PPFIBP2: variants seen among roughly 807,000 people sequenced by gnomAD.
PPFIBP2 encodes PPFIB scaffold protein 2.
PPFIBP2 carries 118 observed loss-of-function variants against 118.3 expected under a neutral mutation model. The ratio of observed to expected loss-of-function variants is 1.00; its 90% CI spans 0.86 to 1.16. The LOEUF is 1.16. Ranked by LOEUF, PPFIBP2 falls within the 50% of genes most tolerant of loss-of-function variation. The pLI is 0.00. For synonymous variants in PPFIBP2, 414 were observed against 397.4 expected, an observed-to-expected ratio of 1.04 and a Z score of -0.50; for missense variants, 1,195 against 1,073.1, an observed-to-expected ratio of 1.11 and a Z score of -1.59.
At chr11:7,621,459 T>TA (rs1160384318) in intron 7 of PPFIBP2, among the ~76,000 whole-genome samples, 1 of 152,242 alleles carries the variant, frequency 6.6e-6, no homozygotes, top group African/African-American at 2.4e-5. Context: ...AATATATTCC[T>TA]AAAAATGGCA....
At position 7,646,275 on chromosome 11, in the gene PPFIBP2, T is replaced by C. The variant is rs1401679628; in HGVS notation, c.1647-2112T>C. The stretch of plus-strand genomic sequence containing the variant: ...GAACTTTGTCAATTCAAAGAATGTT[T>C]AAGATTAGCCATAGCGTTAGAAAAC... On this transcript the variant is annotated intron_variant, in intron 17 of 23. Coordinates refer to ENST00000299492, the MANE Select transcript of PPFIBP2 (RefSeq NM_003621.5). Among the ~76,000 whole-genome samples the C allele has an allele frequency of 2.0e-5, 3 of 152,236 alleles. No individual in the cohort carries two copies. The South Asian group carries it at 6.2e-4, about 32-fold the overall frequency.
intron 5 of PPFIBP2, chr11:7,605,644 A>G (rs767051305): frequency 1.8e-6 from 2 of 1,104,958 alleles, no homozygotes; most frequent in Admixed American, 4.3e-5. Flanking sequence ...GGAATGACTC[A>G]CCTCAAGGTA....
intron 3 of PPFIBP2, among the ~76,000 whole-genome samples, chr11:7,592,161 C>T (rs1483980354): frequency 1.3e-5 from 2 of 152,160 alleles, no homozygotes; most frequent in Non-Finnish European, 2.9e-5. Context: ...CTTTTTCAAA[C>T]TGCCAAGCCT....
chr11:7,584,433 G>C (rs1197903809), intron 3 of PPFIBP2, among the ~76,000 whole-genome samples: 1 of 152,132 alleles, frequency 6.6e-6, no homozygotes, highest in Non-Finnish European at 1.5e-5. Context: ...TTGGACTCCT[G>C]GTAGCCGAGG....
At chr11:7,631,427 A>G (rs370459450) in intron 11 of PPFIBP2, among the ~76,000 whole-genome samples, 1 of 152,106 alleles carries the variant, frequency 6.6e-6, no homozygotes, top group African/African-American at 2.4e-5. Flanking sequence ...ATGAACGAAC[A>G]TGTCTTGCTC....
intron 8 of PPFIBP2, among the ~76,000 whole-genome samples, chr11:7,626,473 T>C (rs564088940): frequency 6.2e-4 from 95 of 152,370 alleles, no homozygotes; most frequent in Non-Finnish European, 9.8e-4. Flanking sequence ...CTAGCACTTA[T>C]TATAACTTAC....
intron 1 of PPFIBP2, chr11:7,539,419 C>T (rs1411278068): frequency 6.6e-6 from 1 of 152,436 alleles, no homozygotes; most frequent in Non-Finnish European, 1.5e-5. Flanking sequence ...AGATCTGATC[C>T]TGTGGGGGTC....
chr11:7,537,037 C>T (rs1732864659), intron 1 of PPFIBP2, among the ~76,000 whole-genome samples: 1 of 152,074 alleles, frequency 6.6e-6, no homozygotes, highest in South Asian at 2.1e-4. Context: ...TCCTTGAGCT[C>T]CTTGAGAAGG....
chr11:7,612,911 C>T (rs1009785448), intron 6 of PPFIBP2, among the ~76,000 whole-genome samples: 1 of 152,216 alleles, frequency 6.6e-6, no homozygotes, highest in African/African-American at 2.4e-5. Context: ...GCTTAAGCTG[C>T]ACTATTGTCA....
intron 3 of PPFIBP2, among the ~76,000 whole-genome samples, chr11:7,579,090 G>A (rs553913101): frequency 6.9e-4 from 105 of 152,264 alleles, no homozygotes; most frequent in Non-Finnish European, 8.8e-5. Context: ...TAGCTGTGAT[G>A]TGGTATATGG....
Position 7,620,920 on chromosome 11 carries a change from T to C in PPFIBP2, c.619-15T>C. Reference sequence around the variant, plus strand: ...TTTAACCATCAGAACTTTGTCTTTCTCCCTCATCCCCTAGGAGTTACTGCA... The same window carrying C: ...TTTAACCATCAGAACTTTGTCTTTCCCCCTCATCCCCTAGGAGTTACTGCA... On this transcript the variant is annotated splice_polypyrimidine_tract_variant and intron_variant, in intron 6 of 23. Transcript: ENST00000299492. 6.4e-7 allele frequency: 1 copy of C among 1,572,996 alleles called. No homozygotes were observed. Among genetic ancestry groups the C allele is most frequent in the Non-Finnish European group, 8.8e-7 (1 of 1,142,678 alleles).
chr11:7,566,124 TCC>T (rs1854949980), intron 3 of PPFIBP2, among the ~76,000 whole-genome samples: 1 of 152,084 alleles, frequency 6.6e-6, no homozygotes, highest in Non-Finnish European at 1.5e-5. Flanking sequence ...CTCGGCTAGA[TCC>T]CACTACCCCT....
At chr11:7,589,116 A>T (rs1176461163) in intron 3 of PPFIBP2, among the ~76,000 whole-genome samples, 6 of 152,206 alleles carry the variant, frequency 3.9e-5, no homozygotes, top group Non-Finnish European at 8.8e-5. Context: ...AGGAAGTTTG[A>T]TCAAATATAT....
At chr11:7,648,591 AG>A (rs920976981) in intron 18 of PPFIBP2, 54 bp downstream of exon 18, 6 of 1,603,308 alleles carry the variant, frequency 3.7e-6, no homozygotes, top group Middle Eastern at 1.7e-4. Flanking sequence ...AAGCATGGGG[AG>A]GCCAGGGTCC....
At chr11:7,569,072 G>C (rs1052891133) in intron 3 of PPFIBP2, 1 of 152,254 alleles carries the variant, frequency 6.6e-6, no homozygotes, top group Non-Finnish European at 1.5e-5. Context: ...CTGAGAAGCA[G>C]GGGTAGATGT....
chr11:7,584,263 A>G (rs1300216557), intron 3 of PPFIBP2, among the ~76,000 whole-genome samples: 1 of 152,214 alleles, frequency 6.6e-6, no homozygotes, highest in Non-Finnish European at 1.5e-5. Flanking sequence ...GTCAACCAAG[A>G]AGCTATTTAT....
intron 3 of PPFIBP2, among the ~76,000 whole-genome samples, chr11:7,568,346 A>G (rs919527168): frequency 2.6e-5 from 4 of 152,192 alleles, no homozygotes; most frequent in African/African-American, 9.7e-5. Context: ...GTTTTTGCTC[A>G]GGCACATCCC....
chr11:7,654,366 C>CA (rs1382424564), downstream of PPFIBP2, among the ~76,000 whole-genome samples: 8 of 152,226 alleles, frequency 5.3e-5, no homozygotes, highest in Non-Finnish European at 7.3e-5. Flanking sequence ...AGTTTGCCCC[C>CA]AGGCAGTGCT....
chr11:7,573,685 A>G (rs1204666660), intron 3 of PPFIBP2, among the ~76,000 whole-genome samples: 1 of 151,720 alleles, frequency 6.6e-6, no homozygotes, highest in East Asian at 1.9e-4. Flanking sequence ...CCTCCACAGC[A>G]CTCTTCACTC....
Sources: allele counts gnomAD v4.1 joint callset (sites outside exome capture counted in the v4.1 genomes callset), GRCh38; gene constraint gnomAD v4.1.1; transcripts MANE v1.5; gene names NCBI Gene and HGNC (gene_info 2026-07-23, HGNC 2026-07-21).